Variants in HS6ST3 observed in about 807,000 individuals in gnomAD.
The protein encoded by HS6ST3 is heparan-sulfate 6-O-sulfotransferase 3.
In HS6ST3, 12 loss-of-function variants were observed where a neutral mutation model predicts 36.7. The observed-to-expected ratio is 0.33, with a 90% CI of 0.21 to 0.53. The LOEUF (loss-of-function observed/expected upper bound fraction) is 0.53. Among genes scored for constraint, HS6ST3 ranks in the 20% least tolerant of loss-of-function variants. HS6ST3 has a pLI of 0.95. For synonymous variants in HS6ST3, 240 were observed against 257.5 expected (o/e 0.93, Z 0.65); for missense variants, 584 against 640.9 (o/e 0.91, Z 0.96).
rs1878848020 is a variant in HS6ST3, at chr13:96,833,173, A to G, written c.1391A>G (p.Tyr464Cys). 1 of 1,577,790 alleles carries G rather than the reference A, an allele frequency of 6.3e-7. No individual in the cohort carries two copies. Among genetic ancestry groups the G allele is most frequent in the Non-Finnish European group, 8.6e-7 (1 of 1,169,390 alleles). Residue 464 changes from tyrosine (Y) to cysteine (C), a missense_variant, in exon 2 of 2, where the codon TAC (tyrosine) becomes TGC (cysteine). Tyr to Cys is a radical substitution (Grantham distance 194, BLOSUM62 -2). Transcript: ENST00000376705. ...GCAGAAGGGACTGTCACCGAGGACT[A>G]CAACAGCCAGGTGGTGAGATGGTGA... Reference protein sequence around the residue: ...GAAEGTVTEDYNSQVVRW With the variant: ...GAAEGTVTEDCNSQVVRW
chr13:96,601,578 A>G (rs947745165), intron 1 of HS6ST3, among the ~76,000 whole-genome samples: 1 of 152,146 alleles, frequency 6.6e-6, no homozygotes, highest in Non-Finnish European at 1.5e-5. Context: ...GAGCAAATTA[A>G]TAATATGCAT....
intron 1 of HS6ST3, among the ~76,000 whole-genome samples, chr13:96,439,442 G>T (rs7988397): frequency 1.3e-5 from 2 of 152,190 alleles, no homozygotes; most frequent in Non-Finnish European, 2.9e-5. Flanking sequence ...TTAGTGGTTT[G>T]TTCAAAGCAA....
intron 1 of HS6ST3, among the ~76,000 whole-genome samples, chr13:96,250,859 C>T (rs991957915): frequency 1.3e-5 from 2 of 152,146 alleles, no homozygotes; most frequent in East Asian, 1.9e-4. Context: ...GCTTCTTATC[C>T]TTCATTCCAT....
At chr13:96,807,943 T>C (rs1037601322) in intron 1 of HS6ST3, among the ~76,000 whole-genome samples, 1 of 151,918 alleles carries the variant, frequency 6.6e-6, no homozygotes, top group African/African-American at 2.4e-5. Context: ...TGCCTAGATA[T>C]ACTATTAAAT....
intron 1 of HS6ST3, among the ~76,000 whole-genome samples, chr13:96,402,032 T>G (rs1332423344): frequency 6.6e-6 from 1 of 152,184 alleles, no homozygotes; most frequent in Non-Finnish European, 1.5e-5. Flanking sequence ...GGTTTTGAAC[T>G]CCTGTGCTCA....
At chr13:96,119,285 G>A (rs943211841) in intron 1 of HS6ST3, among the ~76,000 whole-genome samples, 5 of 151,842 alleles carry the variant, frequency 3.3e-5, no homozygotes, top group African/African-American at 1.2e-4. Context: ...GAGTATGAAA[G>A]CCATTTAAGG....
In HS6ST3 at chr13:96,835,356, T is replaced by A. The variant is rs1170036548; in HGVS notation, c.*2158T>A. On this transcript the variant is annotated 3_prime_UTR_variant, in exon 2 of 2. Transcript: ENST00000376705. ...TGACTTTTTAGGCAGCTGTGTTTTT[T>A]AAGCCATATACAAGAGTAAGTTAAA... 6.6e-6 allele frequency: 1 copy of A among 152,282 alleles called. No individual in the cohort carries two copies. Among genetic ancestry groups the A allele is most frequent in the African/African-American group, 2.4e-5 (1 of 41,468 alleles). The allele number at this position is 152,282 out of a possible 1,614,324, so 9.4% of individuals were successfully genotyped here.
intron 1 of HS6ST3, among the ~76,000 whole-genome samples, chr13:96,784,251 G>A (rs1877589422): frequency 1.3e-5 from 2 of 152,148 alleles, no homozygotes; most frequent in African/African-American, 4.8e-5. Flanking sequence ...TGACCTATCT[G>A]GCTGAAAGAC....
At chr13:96,224,931 G>C (rs994174811) in intron 1 of HS6ST3, among the ~76,000 whole-genome samples, 2 of 152,172 alleles carry the variant, frequency 1.3e-5, no homozygotes, top group Admixed American at 1.3e-4. Context: ...TGTTTAAGTG[G>C]AGCGTGTTTG....
intron 1 of HS6ST3, among the ~76,000 whole-genome samples, chr13:96,360,038 G>GAGGGCACACTTCTGGAGGAC (rs1291411436): frequency 2.0e-5 from 3 of 152,242 alleles, no homozygotes; most frequent in African/African-American, 7.2e-5. Context: ...CATAGAAAGT[G>GAGGGCACACTTCTGGAGGAC]AGGGCACACT....
intron 1 of HS6ST3, among the ~76,000 whole-genome samples, chr13:96,126,898 C>T (rs891233457): frequency 6.6e-6 from 1 of 152,090 alleles, no homozygotes; most frequent in Non-Finnish European, 1.5e-5. Flanking sequence ...CTCCTTTCCT[C>T]TACCCCCAGC....
chr13:96,515,948 C>T (rs2056070563), intron 1 of HS6ST3, among the ~76,000 whole-genome samples: 1 of 152,120 alleles, frequency 6.6e-6, no homozygotes. Flanking sequence ...ATGCCATAGA[C>T]TCCTACTGAA....
At chr13:96,304,473 C>A (rs2054899284) in intron 1 of HS6ST3, among the ~76,000 whole-genome samples, 1 of 151,944 alleles carries the variant, frequency 6.6e-6, no homozygotes, top group Non-Finnish European at 1.5e-5. Flanking sequence ...AATCAAGGGA[C>A]CATCTAATGG....
intron 1 of HS6ST3, among the ~76,000 whole-genome samples, chr13:96,134,256 A>G (rs866380937): frequency 6.6e-6 from 1 of 151,920 alleles, no homozygotes; most frequent in Non-Finnish European, 1.5e-5. Context: ...TATTTGTCTT[A>G]TTACAGTTAC....
At chr13:96,098,739 G>A (rs1440638825) in intron 1 of HS6ST3, among the ~76,000 whole-genome samples, 13 of 152,150 alleles carry the variant, frequency 8.5e-5, no homozygotes, top group African/African-American at 2.2e-4. Flanking sequence ...TTACTGTCAC[G>A]TGGCCCTGGG....
rs147688715 is a variant in HS6ST3 at position 96,234,280 on chromosome 13, C to T, written c.707+142711C>T. On this transcript the variant is annotated intron_variant, in intron 1 of 1. Transcript: ENST00000376705. ...CAAAAATTAGCCGGGCATGGTGGCACGTGCCTGTAATCCCAGCTACTAGGG... is the reference window on the plus strand; with the variant it reads ...CAAAAATTAGCCGGGCATGGTGGCATGTGCCTGTAATCCCAGCTACTAGGG... Among the ~76,000 whole-genome samples the T allele has an allele frequency of 8.6e-5, 13 of 151,912 alleles. No homozygotes were observed. In the East Asian group the frequency reaches 1.4e-3, roughly 16 times the overall value.
intron 1 of HS6ST3, among the ~76,000 whole-genome samples, chr13:96,240,155 G>T (rs7319851): frequency 0.041 from 6,238 of 152,134 alleles, 205 homozygotes; most frequent in African/African-American, 0.087. Context: ...CGTTTATGTA[G>T]CACTTACAGC....
At chr13:96,147,127 CA>C (rs1450903597) in intron 1 of HS6ST3, among the ~76,000 whole-genome samples, 2 of 152,176 alleles carry the variant, frequency 1.3e-5, no homozygotes, top group African/African-American at 4.8e-5. Context: ...GAAAACAGAG[CA>C]AACGTGTTTT....
chr13:96,443,346 T>C (rs536096255), intron 1 of HS6ST3, among the ~76,000 whole-genome samples: 8 of 151,894 alleles, frequency 5.3e-5, no homozygotes, highest in Admixed American at 2.6e-4. Flanking sequence ...CTGGCTAACA[T>C]GGTGAAACCC....
Sources: allele counts gnomAD v4.1 joint callset (sites outside exome capture counted in the v4.1 genomes callset), GRCh38; gene constraint gnomAD v4.1.1; transcripts MANE v1.5; gene names NCBI Gene and HGNC (gene_info 2026-07-23, HGNC 2026-07-21).